The following PLCB4 variants were observed in gnomAD, a reference collection of about 807,000 sequenced individuals.
PLCB4 encodes phospholipase C beta 4.
PLCB4 carries 77 observed loss-of-function variants against 178.8 expected under a neutral mutation model. That is an observed-to-expected ratio of 0.43 (90% CI 0.36 to 0.52). The LOEUF is 0.52. Ranked by LOEUF, PLCB4 falls within the 20% of genes least tolerant of loss-of-function variation. The pLI is 0.00. For missense variants in PLCB4, 1,024 were observed against 1,453.4 expected (o/e 0.70, Z 4.80); for synonymous variants, 496 against 490.8 (o/e 1.01, Z -0.14).
chr20:9,365,565 T>C, intron 9 of PLCB4, 51 bp downstream of exon 9: 1 of 1,088,240 alleles, frequency 9.2e-7, no homozygotes, highest in Non-Finnish European at 1.4e-6. Flanking sequence ...ACGCTTGTCA[T>C]CCCAAACCAA....
chr20:9,238,017 G>T (rs1230048038), intron 3 of PLCB4, among the ~76,000 whole-genome samples: 1 of 152,138 alleles, frequency 6.6e-6, no homozygotes, highest in Non-Finnish European at 1.5e-5. Context: ...GTAGAGGCAT[G>T]CAGGTTTAGA....
chr20:9,175,986 A>C (rs1302602829), intron 2 of PLCB4, among the ~76,000 whole-genome samples: 1 of 152,140 alleles, frequency 6.6e-6, no homozygotes, highest in Non-Finnish European at 1.5e-5. Context: ...GGCACCCCAG[A>C]AAGCTTGTTC....
rs899625096 is a variant in PLCB4, at chr20:9,385,808, C to T, written c.1064+1397C>T. Among the ~76,000 whole-genome samples the T allele has an allele frequency of 6.0e-5, 9 of 150,420 alleles. No individual in the cohort carries two copies. The East Asian group carries it at 8.0e-4, about 13-fold the overall frequency. ...GCAGAGGGGCTCCCCACATCCCAGACGATGGGCAGCCAGGCAGAGATGCTC... is the reference window on the plus strand; with the variant it reads ...GCAGAGGGGCTCCCCACATCCCAGATGATGGGCAGCCAGGCAGAGATGCTC... On this transcript the variant is annotated intron_variant, in intron 14 of 39. Transcript: ENST00000378473.
intron 2 of PLCB4, among the ~76,000 whole-genome samples, chr20:9,211,065 C>T (rs1430476645): frequency 6.6e-6 from 1 of 152,154 alleles, no homozygotes; most frequent in African/African-American, 2.4e-5. Context: ...ACACAGTGTC[C>T]TTTTGGCCCA....
intron 35 of PLCB4, among the ~76,000 whole-genome samples, chr20:9,463,542 C>T (rs1436545256): frequency 2.3e-5 from 3 of 130,858 alleles, no homozygotes; most frequent in African/African-American, 8.8e-5. Context: ...CAGAGACACA[C>T]ACAGGCTCAA....
chr20:9,336,112 G>T (rs111509570), intron 4 of PLCB4, among the ~76,000 whole-genome samples: 21 of 151,876 alleles, frequency 1.4e-4, no homozygotes, highest in African/African-American at 4.8e-4. Context: ...ATCCATGTTT[G>T]CCAGACAGGT....
intron 9 of PLCB4, among the ~76,000 whole-genome samples, chr20:9,368,850 C>A (rs1229423809): frequency 1.3e-5 from 2 of 152,106 alleles, no homozygotes; most frequent in Non-Finnish European, 2.9e-5. Context: ...GCTTTTGTAG[C>A]ATTTCTTTTG....
At chr20:9,258,578 G>C (rs564677982) in intron 3 of PLCB4, among the ~76,000 whole-genome samples, 9 of 152,078 alleles carry the variant, frequency 5.9e-5, no homozygotes, top group African/African-American at 1.7e-4. Flanking sequence ...AGCCGGGTGT[G>C]GTGGCGTGTG....
chr20:9,459,202 G>C (rs959153580), intron 34 of PLCB4, among the ~76,000 whole-genome samples: 2 of 152,050 alleles, frequency 1.3e-5, no homozygotes, highest in African/African-American at 4.8e-5. Context: ...AAATTAGCTG[G>C]GCATGGTGGC....
chr20:9,412,854 A>C (rs532727985), intron 25 of PLCB4, among the ~76,000 whole-genome samples: 4 of 152,320 alleles, frequency 2.6e-5, no homozygotes, highest in African/African-American at 9.6e-5. Flanking sequence ...TTGAGCCCTT[A>C]TACCTATCAC....
intron 2 of PLCB4, among the ~76,000 whole-genome samples, chr20:9,101,313 C>T (rs2091141980): frequency 6.6e-6 from 1 of 152,106 alleles, no homozygotes; most frequent in Admixed American, 6.6e-5. Flanking sequence ...ATTCAGATGA[C>T]TGGGAGGCCT....
At chr20:9,102,459 A>G (rs2091194119) in intron 2 of PLCB4, among the ~76,000 whole-genome samples, 1 of 152,194 alleles carries the variant, frequency 6.6e-6, no homozygotes, top group African/African-American at 2.4e-5. Flanking sequence ...TGACATGTAA[A>G]TGATTGCTTG....
At chr20:9,449,618 CA>C (rs2122227547) in intron 32 of PLCB4, among the ~76,000 whole-genome samples, 1 of 152,198 alleles carries the variant, frequency 6.6e-6, no homozygotes, top group African/African-American at 2.4e-5. Context: ...AAACAAAATC[CA>C]AAACTAAAAA....
intron 4 of PLCB4, among the ~76,000 whole-genome samples, chr20:9,325,155 G>A (rs765276967): frequency 3.3e-5 from 5 of 152,188 alleles, no homozygotes; most frequent in Non-Finnish European, 7.3e-5. Context: ...GTTTGCGGCG[G>A]TGTTTCCGGT....
At chr20:9,413,426 G>A (rs914221699) in intron 25 of PLCB4, among the ~76,000 whole-genome samples, 4 of 151,302 alleles carry the variant, frequency 2.6e-5, no homozygotes, top group Admixed American at 6.6e-5. Flanking sequence ...TTGGGAGGCC[G>A]AGGCGGGCAG....
chr20:9,468,391 T>C (rs901661024), intron 35 of PLCB4, among the ~76,000 whole-genome samples, 180 bp from the exon 36 acceptor site: 1 of 152,202 alleles, frequency 6.6e-6, no homozygotes, highest in Non-Finnish European at 1.5e-5. Flanking sequence ...ATATATAAAA[T>C]GTAAACTTTA....
intron 3 of PLCB4, among the ~76,000 whole-genome samples, chr20:9,277,494 A>G (rs968181809): frequency 6.6e-6 from 1 of 151,992 alleles, no homozygotes; most frequent in Non-Finnish European, 1.5e-5. Context: ...TTAAAGATGC[A>G]CAGTATCAAG....
chr20:9,108,921 GAGAGAA>G (rs1332273463), intron 2 of PLCB4, among the ~76,000 whole-genome samples: 2 of 151,310 alleles, frequency 1.3e-5, no homozygotes, highest in Admixed American at 1.3e-4. Context: ...GAGAGAGAGA[GAGAGAA>G]AGAGAGAGAG....
intron 39 of PLCB4, 113 bp downstream of exon 39, chr20:9,476,866 G>A (rs2044583528): frequency 1.4e-6 from 1 of 706,216 alleles, no homozygotes; most frequent in East Asian, 2.7e-5. Flanking sequence ...TATCTGAAGG[G>A]TTTGGATTTA....
Sources: allele counts gnomAD v4.1 joint callset (sites outside exome capture counted in the v4.1 genomes callset), GRCh38; gene constraint gnomAD v4.1.1; transcripts MANE v1.5; gene names NCBI Gene and HGNC (gene_info 2026-07-23, HGNC 2026-07-21).